Variants in CNTNAP5 observed in about 807,000 individuals in gnomAD.
CNTNAP5 encodes contactin-associated protein-like 5.
In CNTNAP5, 72 loss-of-function variants were observed where a neutral mutation model predicts 150.2. That is an observed-to-expected ratio of 0.48 (90% CI 0.40 to 0.58). The LOEUF (loss-of-function observed/expected upper bound fraction) is 0.58. Ranked by LOEUF, CNTNAP5 falls within the 20% of genes least tolerant of loss-of-function variation. The pLI is 0.00. For synonymous variants in CNTNAP5, 672 were observed against 619.8 expected, an observed-to-expected ratio of 1.08 and a Z score of -1.25; for missense variants, 1,636 against 1,626.2, an observed-to-expected ratio of 1.01 and a Z score of -0.10.
intron 21 of CNTNAP5, among the ~76,000 whole-genome samples, chr2:124,878,938 C>T (rs1401805061): frequency 6.6e-6 from 1 of 152,024 alleles, no homozygotes; most frequent in Non-Finnish European, 1.5e-5. Flanking sequence ...CCATCTCGGC[C>T]TCCCAAAATG....
At chr2:124,697,596 G>A (rs1224876311) in intron 13 of CNTNAP5, among the ~76,000 whole-genome samples, 2 of 140,638 alleles carry the variant, frequency 1.4e-5, no homozygotes, top group Admixed American at 7.3e-5. Context: ...GATCTGAAAG[G>A]ACATCCCTTA....
chr2:124,765,499 G>T, intron 16 of CNTNAP5, among the ~76,000 whole-genome samples: 1 of 151,906 alleles, frequency 6.6e-6, no homozygotes, highest in East Asian at 1.9e-4. Flanking sequence ...TGTATTTTTA[G>T]AAGACAATGG....
At chr2:124,613,384 T>G (rs1034046335) in intron 12 of CNTNAP5, among the ~76,000 whole-genome samples, 5 of 152,178 alleles carry the variant, frequency 3.3e-5, no homozygotes, top group Admixed American at 2.0e-4. Context: ...CCAAGCTCTC[T>G]TTCTGCACCT....
chr2:124,375,720 G>A (rs910730230), intron 3 of CNTNAP5, among the ~76,000 whole-genome samples: 2 of 152,022 alleles, frequency 1.3e-5, no homozygotes, highest in East Asian at 1.9e-4. Context: ...GAAACTGACC[G>A]AGTGGCGTAC....
rs180759230 is a variant in CNTNAP5 at position 124,631,977 on chromosome 2, G to T, written c.1877-15781G>T. 7.2e-5 allele frequency among the ~76,000 whole-genome samples: 11 copies of T among 152,182 alleles called. No homozygotes were observed. The East Asian group carries it at 2.1e-3, about 29-fold the overall frequency. On this transcript the variant is annotated intron_variant, in intron 12 of 23. Coordinates refer to ENST00000682447, the MANE Select transcript of CNTNAP5 (RefSeq NM_001367498.1). The stretch of plus-strand genomic sequence containing the variant: ...CATGAAAATAAAGCTCAACATCACT[G>T]ATCATTAGAGAAATACAAATCAAAA...
intron 3 of CNTNAP5, among the ~76,000 whole-genome samples, chr2:124,372,680 C>A (rs1392356650): frequency 2.6e-5 from 4 of 152,008 alleles, no homozygotes; most frequent in Admixed American, 2.6e-4. Context: ...AATCAATCAG[C>A]CCTTAAGCTT....
chr2:124,903,423 T>C (rs1678456150), intron 22 of CNTNAP5, among the ~76,000 whole-genome samples: 1 of 152,068 alleles, frequency 6.6e-6, no homozygotes. Context: ...GCTCCGAGAA[T>C]TGAGGTATTT....
chr2:124,879,184 T>C (rs1677919295), intron 21 of CNTNAP5, among the ~76,000 whole-genome samples: 2 of 152,020 alleles, frequency 1.3e-5, no homozygotes, highest in African/African-American at 2.4e-5. Context: ...CCCTCTCCAC[T>C]TCTCAGCATG....
intron 11 of CNTNAP5, among the ~76,000 whole-genome samples, chr2:124,603,880 A>C (rs952548371): frequency 6.6e-6 from 1 of 152,244 alleles, no homozygotes; most frequent in Non-Finnish European, 1.5e-5. Context: ...GTATATATTT[A>C]ACAATCAAAG....
At chr2:124,243,881 T>C (rs1486204998) in intron 3 of CNTNAP5, among the ~76,000 whole-genome samples, 1 of 152,196 alleles carries the variant, frequency 6.6e-6, no homozygotes, top group African/African-American at 2.4e-5. Context: ...GAGGTCCCCA[T>C]AAATTATTAC....
At position 124,245,651 on chromosome 2, in the gene CNTNAP5, G is replaced by GTATATATATACACACAAA. The variant is rs59253570; in HGVS notation, c.381+3302_381+3319dup. On this transcript the variant is annotated intron_variant, in intron 3 of 23. Transcript: ENST00000682447. ...TATATATGTGTGTGTTTGTGTGTAT[G>GTATATATATACACACAAA]TATATATATACACACAAATATATAT... 6.0e-3 allele frequency among the ~76,000 whole-genome samples: 878 copies of GTATATATATACACACAAA among 146,400 alleles called. 11 individuals carry two copies. Among genetic ancestry groups the GTATATATATACACACAAA allele is most frequent in the African/African-American group, 0.021 (834 of 39,074 alleles).
At chr2:124,889,623 G>A (rs1035887062) in intron 21 of CNTNAP5, among the ~76,000 whole-genome samples, 3 of 151,934 alleles carry the variant, frequency 2.0e-5, no homozygotes, top group African/African-American at 7.3e-5. Context: ...ATTTTTGTAG[G>A]CATTCACTCA....
At chr2:124,831,091 A>T (rs1458716103) in intron 19 of CNTNAP5, among the ~76,000 whole-genome samples, 1 of 152,054 alleles carries the variant, frequency 6.6e-6, no homozygotes, top group East Asian at 1.9e-4. Context: ...TTAATATCAA[A>T]GCTCAATCTT....
chr2:124,655,999 A>AAAGAAAGAAAGAATG (rs1317556643), intron 13 of CNTNAP5, among the ~76,000 whole-genome samples: 1 of 90,628 alleles, frequency 1.1e-5, no homozygotes. Flanking sequence ...AAGAAAGAAA[A>AAAGAAAGAAAGAATG]AAGGAAGGAA....
At chr2:124,718,302 A>G (rs1350512682) in intron 13 of CNTNAP5, among the ~76,000 whole-genome samples, 1 of 152,216 alleles carries the variant, frequency 6.6e-6, no homozygotes, top group Admixed American at 6.5e-5. Flanking sequence ...GAAGAAAGAT[A>G]AAGGTTCCTA....
intron 16 of CNTNAP5, among the ~76,000 whole-genome samples, chr2:124,769,586 A>G (rs1681145726): frequency 6.6e-6 from 1 of 152,152 alleles, no homozygotes; most frequent in Non-Finnish European, 1.5e-5. Flanking sequence ...AGCAAGTGAG[A>G]GCCAGCTTGA....
At chr2:124,394,149 A>G (rs1691188198) in intron 3 of CNTNAP5, among the ~76,000 whole-genome samples, 1 of 152,130 alleles carries the variant, frequency 6.6e-6, no homozygotes, top group Admixed American at 6.5e-5. Flanking sequence ...AGGCAGGCAG[A>G]ACACCTGAGG....
intron 21 of CNTNAP5, among the ~76,000 whole-genome samples, chr2:124,889,994 CTG>C (rs1323058365): frequency 6.6e-6 from 1 of 152,068 alleles, no homozygotes; most frequent in Non-Finnish European, 1.5e-5. Context: ...TGACTTATAT[CTG>C]TAAATTCTAT....
chr2:124,697,619 A>G (rs906032911), intron 13 of CNTNAP5, among the ~76,000 whole-genome samples: 11 of 151,710 alleles, frequency 7.3e-5, no homozygotes, highest in Non-Finnish European at 1.2e-4. Context: ...TTGAAAAAAA[A>G]AAAAAAAAAG....
Sources: gnomAD v4.1 joint callset for allele counts (sites outside exome capture counted in the v4.1 genomes callset) on GRCh38, gnomAD v4.1.1 for gene constraint, MANE v1.5 for transcripts, NCBI Gene and HGNC (gene_info 2026-07-23, HGNC 2026-07-21) for gene names.